Variants in RNLS observed in about 807,000 individuals in gnomAD.
The protein encoded by RNLS is renalase, FAD dependent amine oxidase.
Under a neutral mutation model 39.8 loss-of-function variants are expected in RNLS, and 39 were observed. That is an observed-to-expected ratio of 0.98 (90% confidence interval 0.76 to 1.28). The LOEUF is 1.28. Among genes scored for constraint, RNLS ranks in the 50% most tolerant of loss-of-function variants. The probability of loss-of-function intolerance (pLI) is 0.00; values close to 1 mark genes in which losing one functional copy is unlikely to be tolerated. For synonymous variants in RNLS, 147 were observed against 150.7 expected, an observed-to-expected ratio of 0.98 and a Z score of 0.18; for missense variants, 410 against 413.3, an observed-to-expected ratio of 0.99 and a Z score of 0.07.
chr10:88,378,298 C>T (rs1409957933), intron 4 of RNLS, among the ~76,000 whole-genome samples: 2 of 152,054 alleles, frequency 1.3e-5, no homozygotes, highest in East Asian at 1.9e-4. Context: ...AAAAGGAAGG[C>T]CTCAGAAGCA....
At chr10:88,196,262 G>C in the RNLS span, among the ~76,000 whole-genome samples, 2 of 152,344 alleles carry the variant, frequency 1.3e-5, no homozygotes, top group African/African-American at 4.8e-5. Context: ...TGTCTTCTTT[G>C]TTAGAGAAAT....
intron 4 of RNLS, among the ~76,000 whole-genome samples, chr10:88,547,640 A>C (rs1331911351): frequency 6.6e-6 from 1 of 152,232 alleles, no homozygotes; most frequent in Non-Finnish European, 1.5e-5. Flanking sequence ...GTCTATGCTT[A>C]AATGAGTCCC....
intron 4 of RNLS, among the ~76,000 whole-genome samples, chr10:88,566,840 A>G (rs191401338): frequency 8.5e-5 from 13 of 152,284 alleles, no homozygotes; most frequent in Non-Finnish European, 1.6e-4. Flanking sequence ...ATAAGAGAAG[A>G]GCTGAATGTT....
At chr10:88,446,527 C>G (rs1842045091) in intron 4 of RNLS, among the ~76,000 whole-genome samples, 1 of 151,992 alleles carries the variant, frequency 6.6e-6, no homozygotes, top group African/African-American at 2.4e-5. Flanking sequence ...GATCCAGGAG[C>G]AGATTTTTTG....
chr10:88,228,372 C>T, the RNLS span, among the ~76,000 whole-genome samples: 2 of 152,120 alleles, frequency 1.3e-5, no homozygotes, highest in Non-Finnish European at 1.5e-5. Flanking sequence ...ACAGGGCCTC[C>T]CCCATGACCA....
chr10:88,453,210 C>T (rs1251734262), intron 4 of RNLS, among the ~76,000 whole-genome samples: 1 of 152,168 alleles, frequency 6.6e-6, no homozygotes, highest in Admixed American at 6.5e-5. Context: ...TAAATTTCTA[C>T]CTCCAAAACT....
intron 4 of RNLS, among the ~76,000 whole-genome samples, chr10:88,466,884 T>C (rs1001177638): frequency 2.0e-5 from 3 of 152,204 alleles, no homozygotes; most frequent in Non-Finnish European, 4.4e-5. Flanking sequence ...CACATTTCAC[T>C]TGCTCAATGA....
chr10:88,335,797 A>G (rs1847445096), intron 5 of RNLS, among the ~76,000 whole-genome samples: 1 of 152,242 alleles, frequency 6.6e-6, no homozygotes, highest in East Asian at 1.9e-4. Context: ...ATTTTTAGCA[A>G]TAAATATAAA....
the RNLS span, among the ~76,000 whole-genome samples, chr10:88,266,222 A>C: frequency 2.0e-5 from 3 of 152,176 alleles, no homozygotes; most frequent in African/African-American, 2.4e-5. Flanking sequence ...CCACTCTAAT[A>C]ACAATGATTC....
chr10:88,262,298 A>G, the RNLS span, among the ~76,000 whole-genome samples: 2 of 152,186 alleles, frequency 1.3e-5, no homozygotes, highest in Admixed American at 1.3e-4. Context: ...TAATCTGTTC[A>G]TTAATTCTGC....
At chr10:88,391,143 C>T (rs1852172815) in intron 4 of RNLS, among the ~76,000 whole-genome samples, 1 of 152,182 alleles carries the variant, frequency 6.6e-6, no homozygotes, top group African/African-American at 2.4e-5. Context: ...AGTGATTATA[C>T]AAACAGGTGT....
intron 5 of RNLS, among the ~76,000 whole-genome samples, chr10:88,353,241 G>A (rs1293070233): frequency 6.6e-6 from 1 of 152,090 alleles, no homozygotes; most frequent in Non-Finnish European, 1.5e-5. Flanking sequence ...GTTATTTCCT[G>A]CCTTCTGCTA....
At chr10:88,239,012 C>A in the RNLS span, among the ~76,000 whole-genome samples, 1 of 151,996 alleles carries the variant, frequency 6.6e-6, no homozygotes. Flanking sequence ...TGAACTAGAG[C>A]CTCTGAAACT....
chr10:88,194,528 A>G, the RNLS span, among the ~76,000 whole-genome samples: 2 of 152,246 alleles, frequency 1.3e-5, no homozygotes, highest in African/African-American at 2.4e-5. Flanking sequence ...CTGAAAAGCA[A>G]GAATAGGTCA....
At chr10:88,175,931 A>G in the RNLS span, among the ~76,000 whole-genome samples, 2 of 152,274 alleles carry the variant, frequency 1.3e-5, no homozygotes, top group African/African-American at 4.8e-5. Flanking sequence ...TGTTGTGTGC[A>G]CACATATTTA....
chr10:88,261,503 G>A, the RNLS span, among the ~76,000 whole-genome samples: 1 of 152,168 alleles, frequency 6.6e-6, no homozygotes, highest in Non-Finnish European at 1.5e-5. Context: ...ATCCACCATT[G>A]CAAGGGGAAA....
At chr10:88,247,649 C>T in the RNLS span, among the ~76,000 whole-genome samples, 1 of 152,160 alleles carries the variant, frequency 6.6e-6, no homozygotes, top group Non-Finnish European at 1.5e-5. Flanking sequence ...CTAATAGCCT[C>T]CCAAAGATTC....
intron 6 of RNLS, among the ~76,000 whole-genome samples, chr10:88,299,328 T>C (rs1414749338): frequency 6.6e-6 from 1 of 152,136 alleles, no homozygotes; most frequent in Non-Finnish European, 1.5e-5. Context: ...CTGTGTTCTA[T>C]CTAAGAAATG....
At chr10:88,280,784 G>A (rs1031269928), downstream of RNLS, among the ~76,000 whole-genome samples, 1 of 152,146 alleles carries the variant, frequency 6.6e-6, no homozygotes, top group Non-Finnish European at 1.5e-5. Context: ...AGTTGTCTTT[G>A]TTGTTGTTAT....
Sources: allele counts gnomAD v4.1 joint callset (sites outside exome capture counted in the v4.1 genomes callset), GRCh38; gene constraint gnomAD v4.1.1; transcripts MANE v1.5; gene names NCBI Gene and HGNC (gene_info 2026-07-23, HGNC 2026-07-21).